The following GK5 variants were observed in gnomAD, a reference collection of about 807,000 sequenced individuals.
The protein encoded by GK5 is ATP:glycerol 3-phosphotransferase 5.
GK5 carries 39 observed loss-of-function variants against 77.3 expected under a neutral mutation model. The observed-to-expected ratio is 0.50, with a 90% CI of 0.39 to 0.66. The LOEUF is 0.66. Among genes scored for constraint, GK5 ranks in the 30% least tolerant of loss-of-function variants. GK5 has a pLI of 0.00. For synonymous variants in GK5, 211 were observed against 208.0 expected (o/e 1.01, Z -0.13); for missense variants, 487 against 633.8 (o/e 0.77, Z 2.49).
At chr3:142,184,260 CAAAAAAA>C (rs1161704184) in intron 9 of GK5, among the ~76,000 whole-genome samples, 2 of 10,678 alleles carry the variant, frequency 1.9e-4, no homozygotes, top group Non-Finnish European at 3.5e-4. Context: ...GACTCTGTCT[CAAAAAAA>C]AAAAAAAAAA....
intron 11 of GK5, among the ~76,000 whole-genome samples, chr3:142,180,768 A>G (rs1400691165): frequency 1.3e-5 from 2 of 152,190 alleles, no homozygotes; most frequent in African/African-American, 4.8e-5. Flanking sequence ...CAGAACACCA[A>G]TATGGGGATC....
At chr3:142,180,762 A>C (rs1422024937) in intron 11 of GK5, among the ~76,000 whole-genome samples, 1 of 152,178 alleles carries the variant, frequency 6.6e-6, no homozygotes, top group Non-Finnish European at 1.5e-5. Flanking sequence ...TCTAGCCAGA[A>C]CACCAATATG....
chr3:142,191,863 G>A, intron 5 of GK5, among the ~76,000 whole-genome samples: 1 of 151,978 alleles, frequency 6.6e-6, no homozygotes, highest in African/African-American at 2.4e-5. Context: ...CGGGCATGGT[G>A]GCACACGCCT....
intron 1 of GK5, among the ~76,000 whole-genome samples, chr3:142,222,381 C>T (rs1350652435): frequency 6.6e-6 from 1 of 152,080 alleles, no homozygotes; most frequent in South Asian, 2.1e-4. Context: ...CTGGCTAACA[C>T]GGTGAAACCC....
rs180997241 is a variant in GK5 at position 142,191,483 on chromosome 3, C to T, written c.544-3704G>A. Among the ~76,000 whole-genome samples the T allele has an allele frequency of 3.5e-4, 53 of 152,126 alleles. 1 individual carries two copies. The East Asian group carries it at 8.0e-3, about 23-fold the overall frequency. ...CTTTGGGAGGCCAAGGTGGCAGGATCACTTGAGCTCAAGAGTTTGAGGACA... is the reference window on the plus strand; with the variant it reads ...CTTTGGGAGGCCAAGGTGGCAGGATTACTTGAGCTCAAGAGTTTGAGGACA... On this transcript the variant is annotated intron_variant, in intron 5 of 15. Transcript: ENST00000392993.
Position 142,225,578 on chromosome 3 carries a change from A to T in GK5, c.-123T>A. 1 of 1,281,432 alleles carries T rather than the reference A, an allele frequency of 7.8e-7. No individual in the cohort carries two copies. Among genetic ancestry groups the T allele is most frequent in the Non-Finnish European group, 1.0e-6 (1 of 962,604 alleles). 79.4% of individuals were successfully genotyped at this position (1,281,432 alleles called of 1,614,324 possible). Reference sequence around the variant, plus strand: ...AACCCGGCTCAGCCGGAGAGCCTAGAGAGGCCTGGCCCCTGCCGCCGGCTC... The same window carrying T: ...AACCCGGCTCAGCCGGAGAGCCTAGTGAGGCCTGGCCCCTGCCGCCGGCTC... On this transcript the variant is annotated 5_prime_UTR_variant, in exon 1 of 16. Transcript: ENST00000392993.
chr3:142,213,179 A>G (rs941827215), intron 3 of GK5, among the ~76,000 whole-genome samples: 2 of 152,148 alleles, frequency 1.3e-5, no homozygotes, highest in Non-Finnish European at 2.9e-5. Context: ...AATATAAACC[A>G]TAGTACAGTA....
chr3:142,216,169 G>A (rs1181295642), intron 1 of GK5, among the ~76,000 whole-genome samples: 1 of 152,056 alleles, frequency 6.6e-6, no homozygotes, highest in Admixed American at 6.5e-5. Flanking sequence ...TAAGAATTCA[G>A]GTACCATGGA....
intron 3 of GK5, among the ~76,000 whole-genome samples, chr3:142,209,844 C>T (rs945999004): frequency 9.2e-5 from 14 of 152,262 alleles, no homozygotes; most frequent in Non-Finnish European, 1.8e-4. Flanking sequence ...TGAATCCAGG[C>T]TCCCATGACT....
At chr3:142,190,196 A>G (rs1577125300) in intron 5 of GK5, among the ~76,000 whole-genome samples, 1 of 152,210 alleles carries the variant, frequency 6.6e-6, no homozygotes, top group East Asian at 1.9e-4. Flanking sequence ...GTTGGAATAG[A>G]CTGGGTAGAA....
In GK5 at chr3:142,177,867, T is replaced by C. The variant is rs143053268; in HGVS notation, c.1049-291A>G. Among the ~76,000 whole-genome samples, 970 of 150,684 alleles carry C rather than the reference T, an allele frequency of 6.4e-3. 11 individuals are homozygous for C. Among genetic ancestry groups the C allele is most frequent in the African/African-American group, 0.022 (901 of 41,036 alleles). The stretch of plus-strand genomic sequence containing the variant: ...ACTTACGTTTTTTTTCTTTTTTTTT[T>C]TTTTTTTTGAGACGGAGTTTCACTC... On this transcript the variant is annotated intron_variant, in intron 11 of 15. Coordinates refer to ENST00000392993, the MANE Select transcript of GK5 (RefSeq NM_001039547.3).
chr3:142,205,395 A>G (rs2064089507), intron 3 of GK5, among the ~76,000 whole-genome samples: 1 of 152,154 alleles, frequency 6.6e-6, no homozygotes, highest in South Asian at 2.1e-4. Context: ...TTTGCTTTCT[A>G]CCCCAACTCC....
intron 2 of GK5, among the ~76,000 whole-genome samples, chr3:142,213,813 T>C (rs2064232512): frequency 6.6e-6 from 1 of 152,132 alleles, no homozygotes; most frequent in Admixed American, 6.5e-5. Context: ...GGTTGTTTCT[T>C]GTTTTTTGTT....
rs2063413707 is a variant in GK5 at position 142,159,963 on chromosome 3, T to A, written c.*5659A>T. 1 of 152,108 alleles carries A rather than the reference T, an allele frequency of 6.6e-6. No homozygotes were observed. The highest frequency in any genetic ancestry group is 2.1e-4 in the South Asian group (1 of 4,836). 9.4% of individuals were successfully genotyped at this position (152,108 alleles called of 1,614,324 possible). On this transcript the variant is annotated 3_prime_UTR_variant, in exon 16 of 16. Coordinates refer to ENST00000392993, the MANE Select transcript of GK5 (RefSeq NM_001039547.3). Reference sequence around the variant, plus strand: ...CCCGGGTTCAAGCAATTCTCCTGTCTCAGCCTCCCAAGTCGCTGGGACCAC... The same window carrying A: ...CCCGGGTTCAAGCAATTCTCCTGTCACAGCCTCCCAAGTCGCTGGGACCAC...
At chr3:142,211,770 G>A (rs1028018813) in intron 3 of GK5, among the ~76,000 whole-genome samples, 1 of 152,150 alleles carries the variant, frequency 6.6e-6, no homozygotes, top group African/African-American at 2.4e-5. Context: ...CTCCAGCCTA[G>A]GTAGCAAAGT....
rs1385738989 is a variant in GK5 at position 142,160,614 on chromosome 3, A to AAG, written c.*5006_*5007dup. The AAG allele has an allele frequency of 1.3e-5, 2 of 152,246 alleles. No individual in the cohort carries two copies. The highest frequency in any genetic ancestry group is 2.9e-5 in the Non-Finnish European group (2 of 68,036). The allele number at this position is 152,246 out of a possible 1,614,324, so 9.4% of individuals were successfully genotyped here. ...TGCAGTCAAATATATAAAACCTGTG[A>AAG]AGAGAAAGGCTTCAATTAAAGCTTA... On this transcript the variant is annotated 3_prime_UTR_variant, in exon 16 of 16. Transcript: ENST00000392993.
chr3:142,203,191 C>G (rs538984370), intron 4 of GK5, among the ~76,000 whole-genome samples: 195 of 152,268 alleles, frequency 1.3e-3, no homozygotes, highest in African/African-American at 4.1e-3. Context: ...CCCTCAATTA[C>G]TGTGTCCTTC....
chr3:142,213,712 G>A, intron 2 of GK5, 111 bp from the exon 3 acceptor site: 1 of 646,096 alleles, frequency 1.5e-6, no homozygotes, highest in Non-Finnish European at 2.7e-6. Flanking sequence ...AAATACCTGG[G>A]TTTAGCATTC....
rs541710011 is a variant in GK5, at chr3:142,222,332, G to A, written c.147+2977C>T. Among the ~76,000 whole-genome samples the A allele has an allele frequency of 7.9e-5, 12 of 152,262 alleles. No individual in the cohort carries two copies. The East Asian group carries it at 1.2e-3, about 15-fold the overall frequency. ...TGTAATCCCAGCACTTTGGGAGGCC[G>A]AGGCGGGTGGATCACCAGGTCAGGA... On this transcript the variant is annotated intron_variant, in intron 1 of 15. Transcript: ENST00000392993.
Sources: gnomAD v4.1 joint callset for allele counts (sites outside exome capture counted in the v4.1 genomes callset) on GRCh38, gnomAD v4.1.1 for gene constraint, MANE v1.5 for transcripts, NCBI Gene and HGNC (gene_info 2026-07-23, HGNC 2026-07-21) for gene names.